Variants in PTCHD1 observed in about 807,000 individuals in gnomAD.
PTCHD1 encodes the protein patched domain-containing protein 1.
A neutral mutation model predicts 34.6 loss-of-function variants in PTCHD1; 3 were observed. The ratio of observed to expected loss-of-function variants is 0.09; its 90% confidence interval spans 0.04 to 0.22. The LOEUF (loss-of-function observed/expected upper bound fraction) is 0.22, where lower values mean the gene tolerates loss of function less well. Among genes scored for constraint, PTCHD1 ranks in the 10% least tolerant of loss-of-function variants. The pLI is 1.00. For missense variants in PTCHD1, 504 were observed against 685.5 expected (o/e 0.74, Z 2.96); for synonymous variants, 305 against 283.1 (o/e 1.08, Z -0.77).
chrX:23,400,560 T>C lies in PTCHD1; in HGVS notation c.*6375T>C, dbSNP rs755189824. ...ACTCCAAGTCAGAAGCTAGATAAAA[T>C]AGAGGTTGCTGGGGGAAGTTGGAAA... On this transcript the variant is annotated 3_prime_UTR_variant, in exon 3 of 3. Coordinates refer to ENST00000379361, the MANE Select transcript of PTCHD1 (RefSeq NM_173495.3). 3.6e-5 allele frequency: 4 copies of C among 112,458 alleles called. No individual in the cohort carries two copies. The highest frequency in any genetic ancestry group is 7.5e-5 in the Non-Finnish European group (4 of 53,282). The allele number at this position is 112,458 out of a possible 1,213,427, so 9.3% of individuals were successfully genotyped here.
At chrX:23,351,696 C>T (rs1031462623) in intron 1 of PTCHD1, among the ~76,000 whole-genome samples, 3 of 112,178 alleles carry the variant, frequency 2.7e-5, no homozygotes, top group Non-Finnish European at 3.8e-5. Context: ...AACTGGGTGC[C>T]GCTGCTCAGA....
At chrX:23,339,648 A>G (rs1921256652) in intron 1 of PTCHD1, among the ~76,000 whole-genome samples, 1 of 112,575 alleles carries the variant, frequency 8.9e-6, no homozygotes, top group Non-Finnish European at 1.9e-5. Context: ...GATCAAGATC[A>G]TAGTTTTTCC....
intron 1 of PTCHD1, among the ~76,000 whole-genome samples, chrX:23,359,475 T>A (rs1921909859): frequency 8.9e-6 from 1 of 112,126 alleles, no homozygotes; most frequent in Admixed American, 9.5e-5. Flanking sequence ...ATGGGAATGC[T>A]TGTGATTTTT....
rs780799552 is a variant in PTCHD1 at position 23,393,818 on chromosome X, A to G, written c.2300A>G (p.Asn767Ser). 5.8e-6 allele frequency: 7 copies of G among 1,209,277 alleles called. No individual in the cohort carries two copies. The highest frequency in any genetic ancestry group is 6.7e-6 in the Non-Finnish European group (6 of 894,490). Residue 767 changes from asparagine to serine, a missense_variant, in exon 3 of 3, where the codon AAT becomes AGT. Coordinates refer to ENST00000379361, the MANE Select transcript of PTCHD1 (RefSeq NM_173495.3). ...TATGGAATTAATTACACAATTGACA[A>G]TTGTGCTCCAATGTTATCCACATTT... ...LIYGINYTID[N>S]CAPMLSTFVL...
At chrX:23,348,705 T>A (rs1294967977) in intron 1 of PTCHD1, among the ~76,000 whole-genome samples, 1 of 111,529 alleles carries the variant, frequency 9.0e-6, no homozygotes, top group Non-Finnish European at 1.9e-5. Context: ...AAATTATGCT[T>A]CAAAGTGAAG....
Position 23,379,732 on chromosome X carries a change from G to A in PTCHD1, c.493G>A (p.Ala165Thr), listed in dbSNP as rs1294911062. 8.3e-7 allele frequency: 1 copy of A among 1,211,118 alleles called. No individual in the cohort carries two copies. The highest frequency in any genetic ancestry group is 1.1e-6 in the Non-Finnish European group (1 of 895,423). Reference sequence around the variant, plus strand: ...CCTGGAAGAGCTAAAGAATGCTCGGGCCACCAATCGGACCAATTTTGCTAT... The same window carrying A: ...CCTGGAAGAGCTAAAGAATGCTCGGACCACCAATCGGACCAATTTTGCTAT... ...HVLEELKNAR[A>T]TNRTNFAITY... The change falls in exon 2 of 3, where the codon GCC becomes ACC. Residue 165 changes from alanine to threonine, a missense_variant. Physicochemically the swap from Ala to Thr is moderately conservative, Grantham distance 58 (BLOSUM62 0). Coordinates refer to ENST00000379361, the MANE Select transcript of PTCHD1 (RefSeq NM_173495.3).
intron 1 of PTCHD1, among the ~76,000 whole-genome samples, chrX:23,337,174 C>T (rs1479142606): frequency 8.9e-6 from 1 of 112,121 alleles, no homozygotes; most frequent in African/African-American, 3.2e-5. Flanking sequence ...GCTTGGTTTG[C>T]CTCCATATCT....
chrX:23,380,400 C>A (rs979832719), intron 2 of PTCHD1, 149 bp downstream of exon 2: 3 of 570,207 alleles, frequency 5.3e-6, no homozygotes, highest in Non-Finnish European at 5.9e-6. Flanking sequence ...CTATAAAGTG[C>A]TGGTAATCAG....
chrX:23,378,468 G>A (rs1470476576), intron 1 of PTCHD1, among the ~76,000 whole-genome samples: 1 of 112,106 alleles, frequency 8.9e-6, no homozygotes, highest in Non-Finnish European at 1.9e-5. Flanking sequence ...CTGAAATAGA[G>A]CATTTGTGAC....
chrX:23,354,360 GACAA>G (rs772332692), intron 1 of PTCHD1, among the ~76,000 whole-genome samples: 185 of 100,054 alleles, frequency 1.8e-3, no homozygotes, highest in African/African-American at 7.5e-3. Flanking sequence ...GGCCTGTCTA[GACAA>G]ACAGATTAAA....
In PTCHD1 at chrX:23,379,952, G is replaced by A; in HGVS notation, c.713G>A (p.Arg238Lys). 2 of 1,211,995 alleles carry A rather than the reference G, an allele frequency of 1.7e-6. No homozygotes were observed. Among genetic ancestry groups the A allele is most frequent in the Non-Finnish European group, 2.2e-6 (2 of 895,580 alleles). The change falls in exon 2 of 3, where the codon AGA (arginine) becomes AAA (lysine). Residue 238 changes from arginine to lysine, a missense_variant. Physicochemically the swap from Arg to Lys is conservative, Grantham distance 26 (BLOSUM62 2). Coordinates refer to ENST00000379361, the MANE Select transcript of PTCHD1 (RefSeq NM_173495.3). ...GAGTCCAGCTTCTGCGACACTGTCA[G>A]ACTGTTTCAGAAATCCAACAGCAAA... ...RWESSFCDTV[R>K]LFQKSNSKVK...
intron 1 of PTCHD1, among the ~76,000 whole-genome samples, chrX:23,369,878 C>T (rs947797475): frequency 8.9e-6 from 1 of 112,069 alleles, no homozygotes; most frequent in Non-Finnish European, 1.9e-5. Flanking sequence ...ATCCATGCTT[C>T]TAACCCCATT....
intron 1 of PTCHD1, chrX:23,351,313 T>C: frequency 2.3e-6 from 2 of 868,164 alleles, no homozygotes; most frequent in Non-Finnish European, 1.7e-6. Flanking sequence ...CTTACACAAT[T>C]TTGCTTCATC....
chrX:23,401,796 A>G lies in PTCHD1; in HGVS notation c.*7611A>G, dbSNP rs1389794810. ...AAAAAATGTTATCTTCCCCTTCTAT[A>G]TGTTTCTTATGCACGAGCACAGCTA... On this transcript the variant is annotated 3_prime_UTR_variant, in exon 3 of 3. Transcript: ENST00000379361. The G allele has an allele frequency of 8.9e-6, 1 of 112,722 alleles. No individual in the cohort carries two copies. Among genetic ancestry groups the G allele is most frequent in the Non-Finnish European group, 1.9e-5 (1 of 53,360 alleles). 9.3% of individuals were successfully genotyped at this position (112,722 alleles called of 1,213,427 possible). A position where few individuals can be genotyped will look rare whatever the true frequency, so the allele number is the denominator to read the frequency against.
At chrX:23,353,970 CTG>C (rs1263563402) in intron 1 of PTCHD1, among the ~76,000 whole-genome samples, 2 of 111,582 alleles carry the variant, frequency 1.8e-5, no homozygotes, top group South Asian at 7.6e-4. Flanking sequence ...TCAATCTTGA[CTG>C]TGTGTTATAG....
chrX:23,366,164 C>T (rs148239271), intron 1 of PTCHD1, among the ~76,000 whole-genome samples: 1 of 111,943 alleles, frequency 8.9e-6, no homozygotes, highest in African/African-American at 3.3e-5. Flanking sequence ...AGTATGACCC[C>T]CACGGTTCAG....
intron 1 of PTCHD1, among the ~76,000 whole-genome samples, chrX:23,362,627 G>A (rs971139538): frequency 1.8e-5 from 2 of 112,137 alleles, no homozygotes; most frequent in East Asian, 5.6e-4. Flanking sequence ...GTCTACGTCT[G>A]TCAGCTTGTC....
At chrX:23,390,266 T>C (rs1223988237) in intron 2 of PTCHD1, among the ~76,000 whole-genome samples, 1 of 109,571 alleles carries the variant, frequency 9.1e-6, no homozygotes, top group Admixed American at 9.8e-5. Context: ...TTATTTGCCA[T>C]TTATAGTGAT....
intron 2 of PTCHD1, among the ~76,000 whole-genome samples, chrX:23,382,315 G>A (rs1039807145): frequency 1.8e-5 from 2 of 112,310 alleles, no homozygotes; most frequent in East Asian, 2.8e-4. Context: ...TCAAAACTTC[G>A]TTTCACTAAA....
Sources: gnomAD v4.1 joint callset for allele counts (sites outside exome capture counted in the v4.1 genomes callset) on GRCh38, gnomAD v4.1.1 for gene constraint, MANE v1.5 for transcripts, NCBI Gene and HGNC (gene_info 2026-07-23, HGNC 2026-07-21) for gene names.